CACNA2D3: variants seen among roughly 807,000 people sequenced by gnomAD.
CACNA2D3 encodes voltage-dependent calcium channel subunit alpha-2/delta-3.
A neutral mutation model predicts 160.6 loss-of-function variants in CACNA2D3; 60 were observed. The observed-to-expected ratio is 0.37, with a 90% CI of 0.30 to 0.46. The LOEUF (loss-of-function observed/expected upper bound fraction) is 0.46. Ranked by LOEUF, CACNA2D3 falls within the 20% of genes least tolerant of loss-of-function variation. The probability of loss-of-function intolerance (pLI) is 1.00; values close to 1 mark genes in which losing one functional copy is unlikely to be tolerated. For synonymous variants in CACNA2D3, 558 were observed against 492.9 expected, an observed-to-expected ratio of 1.13 and a Z score of -1.75; for missense variants, 1,205 against 1,365.0, an observed-to-expected ratio of 0.88 and a Z score of 1.85.
rs187444134 is a variant in CACNA2D3 at position 55,021,802 on chromosome 3, G to A, written c.2987+3485G>A. Among the ~76,000 whole-genome samples the A allele has an allele frequency of 2.5e-3, 371 of 150,712 alleles. 3 individuals are homozygous for A. Among genetic ancestry groups the A allele is most frequent in the African/African-American group, 8.5e-3 (347 of 40,962 alleles). ...TTTTTGATCTGTAAATGCTTAAATC[G>A]TGTTTTAAAATGTCCAAATATATGG... On this transcript the variant is annotated intron_variant, in intron 35 of 37. Coordinates refer to ENST00000474759, the MANE Select transcript of CACNA2D3 (RefSeq NM_018398.3).
intron 3 of CACNA2D3, among the ~76,000 whole-genome samples, chr3:54,353,289 G>T (rs1311221269): frequency 1.3e-5 from 2 of 152,168 alleles, no homozygotes; most frequent in Non-Finnish European, 2.9e-5. Flanking sequence ...TGCAGAGATG[G>T]AAACGTGAAA....
intron 27 of CACNA2D3, chr3:54,901,212 G>C (rs547872088): frequency 6.6e-6 from 1 of 152,200 alleles, no homozygotes; most frequent in African/African-American, 2.4e-5. Context: ...CCCGGGAGCT[G>C]AGGCCACATG....
chr3:54,741,559 A>T (rs1401686322), intron 11 of CACNA2D3, among the ~76,000 whole-genome samples: 1 of 151,822 alleles, frequency 6.6e-6, no homozygotes, highest in Non-Finnish European at 1.5e-5. Context: ...CCTGGCCAAC[A>T]TGGTGAAACC....
chr3:54,937,870 TG>T (rs1356243068), intron 27 of CACNA2D3, among the ~76,000 whole-genome samples: 1 of 152,132 alleles, frequency 6.6e-6, no homozygotes, highest in Non-Finnish European at 1.5e-5. Context: ...AAGCAGGTGC[TG>T]GAGAAGGGGT....
intron 2 of CACNA2D3, among the ~76,000 whole-genome samples, chr3:54,290,469 A>G (rs551432552): frequency 4.7e-4 from 71 of 152,216 alleles, no homozygotes; most frequent in African/African-American, 1.6e-3. Context: ...TGGGACTGTA[A>G]ACTAGTTCAA....
At chr3:54,471,048 G>A (rs1168123153) in intron 4 of CACNA2D3, among the ~76,000 whole-genome samples, 1 of 152,050 alleles carries the variant, frequency 6.6e-6, no homozygotes, top group Admixed American at 6.6e-5. Context: ...CTCAGTTCTG[G>A]AACAAGCAGA....
At chr3:54,372,694 A>C (rs1328913057) in intron 3 of CACNA2D3, among the ~76,000 whole-genome samples, 1 of 152,182 alleles carries the variant, frequency 6.6e-6, no homozygotes, top group Non-Finnish European at 1.5e-5. Context: ...GGGTTGACAA[A>C]GGAGAAAGAG....
chr3:54,377,117 G>A (rs993559974), intron 3 of CACNA2D3, among the ~76,000 whole-genome samples: 3 of 152,218 alleles, frequency 2.0e-5, no homozygotes, highest in Admixed American at 1.3e-4. Context: ...GGTGCCATCT[G>A]TCACAGGAGC....
chr3:54,839,544 C>T (rs1400314146), intron 16 of CACNA2D3, among the ~76,000 whole-genome samples: 1 of 152,190 alleles, frequency 6.6e-6, no homozygotes, highest in Non-Finnish European at 1.5e-5. Flanking sequence ...CCTTCTCCCC[C>T]AGCACCAAGC....
intron 11 of CACNA2D3, among the ~76,000 whole-genome samples, chr3:54,680,372 T>G (rs1700319642): frequency 6.6e-6 from 1 of 152,242 alleles, no homozygotes; most frequent in African/African-American, 2.4e-5. Flanking sequence ...TTTATATGTT[T>G]GCAAGTTTCT....
intron 4 of CACNA2D3, among the ~76,000 whole-genome samples, chr3:54,435,959 T>A (rs954565036): frequency 1.3e-5 from 2 of 152,084 alleles, no homozygotes; most frequent in African/African-American, 2.4e-5. Context: ...ACCTCACGGG[T>A]TACACTTACT....
At chr3:54,971,455 T>C (rs1374456956) in intron 29 of CACNA2D3, among the ~76,000 whole-genome samples, 1 of 152,082 alleles carries the variant, frequency 6.6e-6, no homozygotes, top group Non-Finnish European at 1.5e-5. Flanking sequence ...GGAGTGAGGA[T>C]GGTTAGTTGG....
chr3:54,456,770 C>G (rs1700404194), intron 4 of CACNA2D3, among the ~76,000 whole-genome samples: 1 of 151,844 alleles, frequency 6.6e-6, no homozygotes, highest in Admixed American at 6.6e-5. Flanking sequence ...ACAACTTTAA[C>G]CTCTTGGTTC....
chr3:54,145,235 G>A (rs189166422), intron 2 of CACNA2D3, among the ~76,000 whole-genome samples: 8 of 152,276 alleles, frequency 5.3e-5, no homozygotes, highest in Non-Finnish European at 1.0e-4. Flanking sequence ...ATTAAAATGC[G>A]GTAAGTTGCC....
intron 4 of CACNA2D3, among the ~76,000 whole-genome samples, chr3:54,393,643 G>C (rs545911137): frequency 9.2e-5 from 14 of 152,222 alleles, no homozygotes; most frequent in Non-Finnish European, 1.6e-4. Context: ...TTGGTGCCTT[G>C]TCTGCCCAGA....
chr3:54,284,922 A>G (rs1163687491), intron 2 of CACNA2D3, among the ~76,000 whole-genome samples: 3 of 152,240 alleles, frequency 2.0e-5, no homozygotes, highest in African/African-American at 7.2e-5. Context: ...GTGGAAAAGT[A>G]TGTCATAAAG....
chr3:54,922,338 A>G (rs1261779344), intron 27 of CACNA2D3, among the ~76,000 whole-genome samples: 2 of 147,302 alleles, frequency 1.4e-5, no homozygotes, highest in Non-Finnish European at 3.0e-5. Flanking sequence ...TTTTTTTTTT[A>G]ATCAAGAAAT....
chr3:54,191,801 G>T (rs184365507), intron 2 of CACNA2D3, among the ~76,000 whole-genome samples: 1 of 152,080 alleles, frequency 6.6e-6, no homozygotes, highest in Non-Finnish European at 1.5e-5. Context: ...CCCTACCTGC[G>T]CAGGGCTGCC....
rs557337822 is a variant in CACNA2D3 at position 54,316,214 on chromosome 3, A to G, written c.205-4228A>G. ...GGATGGCTATGTGAAATTCTTTTGTACTGGAATAGCTCACTCTATCCAGTT... is the reference window on the plus strand; with the variant it reads ...GGATGGCTATGTGAAATTCTTTTGTGCTGGAATAGCTCACTCTATCCAGTT... On this transcript the variant is annotated intron_variant, in intron 2 of 37. Transcript: ENST00000474759. Among the ~76,000 whole-genome samples the G allele has an allele frequency of 6.6e-5, 10 of 152,270 alleles. No homozygotes were observed. The East Asian group carries it at 1.7e-3, about 26-fold the overall frequency.
Sources: gnomAD v4.1 joint callset for allele counts (sites outside exome capture counted in the v4.1 genomes callset) on GRCh38, gnomAD v4.1.1 for gene constraint, MANE v1.5 for transcripts, NCBI Gene and HGNC (gene_info 2026-07-23, HGNC 2026-07-21) for gene names.